The following ADGRB1 variants were observed in gnomAD, a reference collection of about 807,000 sequenced individuals.
ADGRB1 encodes adhesion G protein-coupled receptor B1.
ADGRB1 carries 36 observed loss-of-function variants against 175.7 expected under a neutral mutation model. That is an observed-to-expected ratio of 0.20 (90% CI 0.16 to 0.27). The LOEUF is 0.27. ADGRB1 is among the 10% of genes least tolerant of loss of function. The pLI is 1.00. For missense variants in ADGRB1, 1,731 were observed against 2,255.3 expected (o/e 0.77, Z 4.71); for synonymous variants, 1,054 against 979.4 (o/e 1.08, Z -1.42).
In ADGRB1 at chr8:142,488,383, C is replaced by T. The variant is rs533809610; in HGVS notation, c.2328C>T (p.Leu776=). Residue 776 remains leucine (L), a synonymous_variant, in exon 14 of 31, where the codon CTC becomes CTT. Transcript: ENST00000517894. ...TDNLVLSIHK[L]PASGATDISF... is the part of the protein sequence containing the mutation. ...TCCCAGTTCTCAGCATCCATAAGCT[C>T]CCAGCCAGCGGAGCCACTGACATCA... 26 of 1,613,114 alleles carry T rather than the reference C, an allele frequency of 1.6e-5. No individual in the cohort carries two copies. The Admixed American group carries it at 2.0e-4, about 12-fold the overall frequency.
intron 22 of ADGRB1, among the ~76,000 whole-genome samples, chr8:142,523,452 G>A (rs1447156261): frequency 6.6e-6 from 1 of 151,926 alleles, no homozygotes; most frequent in Non-Finnish European, 1.5e-5. Context: ...GACAGGATGT[G>A]GCACCCCCTT....
intron 24 of ADGRB1, among the ~76,000 whole-genome samples, chr8:142,531,740 G>A (rs919360569): frequency 2.0e-5 from 3 of 152,160 alleles, no homozygotes; most frequent in African/African-American, 7.2e-5. Context: ...CTGAGGCTGG[G>A]GCCAGACAGA....
chr8:142,478,177 C>T lies in ADGRB1; in HGVS notation c.1388-10C>T, dbSNP rs1462791761. On this transcript the variant is annotated splice_polypyrimidine_tract_variant and intron_variant, in intron 6 of 30. Transcript: ENST00000517894. ...GTTCACGCCCACTTTGTGTCTCCTT[C>T]CTCCCCCGGGCCGGGCAGTGGATGG... 3.8e-6 allele frequency: 6 copies of T among 1,596,560 alleles called. No individual in the cohort carries two copies. Among genetic ancestry groups the T allele is most frequent in the African/African-American group, 1.3e-5 (1 of 74,626 alleles).
At chr8:142,488,939 G>T (rs566982484) in intron 14 of ADGRB1, 96 bp from the exon 15 acceptor site, 222 of 1,413,884 alleles carry the variant, frequency 1.6e-4, no homozygotes, top group Non-Finnish European at 2.0e-4. Context: ...AAGATGGGCG[G>T]CAGATGCCAG....
chr8:142,478,455 G>GC lies in ADGRB1; in HGVS notation c.1561+99dup, dbSNP rs937004342. ...CCACAGCGGGTGGGGGTAACCATGG[G>GC]CCCCGGCATGTGACTGAGGAGGGAG... On this transcript the variant is annotated intron_variant, in intron 7 of 30. Coordinates refer to ENST00000517894, the MANE Select transcript of ADGRB1 (RefSeq NM_001702.3). 5 of 1,360,382 alleles carry GC rather than the reference G, an allele frequency of 3.7e-6. No individual in the cohort carries two copies. The African/African-American group carries it at 5.8e-5, about 16-fold the overall frequency. 84.3% of individuals were successfully genotyped at this position (1,360,382 alleles called of 1,614,324 possible).
intron 18 of ADGRB1, among the ~76,000 whole-genome samples, chr8:142,517,261 A>C (rs1452878387): frequency 6.6e-6 from 1 of 152,060 alleles, no homozygotes; most frequent in Non-Finnish European, 1.5e-5. Flanking sequence ...GTCAGGGAGG[A>C]GTGGTGGCCC....
chr8:142,479,556 CTGTCACCCACGTGG>C, intron 8 of ADGRB1, 69 bp downstream of exon 8: 1 of 1,512,030 alleles, frequency 6.6e-7, no homozygotes, highest in Non-Finnish European at 8.8e-7. Flanking sequence ...TTGGGCTCAG[CTGTCACCCACGTGG>C]TGTGTTGGGG....
At chr8:142,456,588 A>G (rs1839697304) in intron 1 of ADGRB1, among the ~76,000 whole-genome samples, 1 of 152,180 alleles carries the variant, frequency 6.6e-6, no homozygotes, top group Non-Finnish European at 1.5e-5. Context: ...ACACGCACAC[A>G]TATGTGCAGC....
chr8:142,522,730 G>T lies in ADGRB1; in HGVS notation c.3245+20G>T, dbSNP rs773885337. 6 of 1,486,200 alleles carry T rather than the reference G, an allele frequency of 4.0e-6. No homozygotes were observed. The highest frequency in any genetic ancestry group is 5.4e-6 in the Non-Finnish European group (6 of 1,120,752). 92.1% of individuals were successfully genotyped at this position (1,486,200 alleles called of 1,614,324 possible). A position where few individuals can be genotyped will look rare whatever the true frequency, so the allele number is the denominator to read the frequency against. ...GAACTAGTGAGTCGGGGCATTGGGG[G>T]TGTGGTGGATGGCCACATGGCCCCC... On this transcript the variant is annotated intron_variant, in intron 22 of 30. Transcript: ENST00000517894.
chr8:142,482,338 C>G (rs1393886069), intron 11 of ADGRB1, among the ~76,000 whole-genome samples: 2 of 150,842 alleles, frequency 1.3e-5, no homozygotes, highest in African/African-American at 2.4e-5. Context: ...AGCCCTGATC[C>G]TGGTCACACA....
intron 2 of ADGRB1, among the ~76,000 whole-genome samples, chr8:142,472,288 C>A (rs1442437823): frequency 6.6e-6 from 1 of 152,314 alleles, no homozygotes; most frequent in East Asian, 1.9e-4. Flanking sequence ...CACCAAGCAC[C>A]CTCTCCCCTG....
chr8:142,483,087 C>T (rs1025978831), intron 11 of ADGRB1, among the ~76,000 whole-genome samples: 45 of 149,886 alleles, frequency 3.0e-4, no homozygotes, highest in African/African-American at 1.1e-3. Context: ...ACTGGTCACC[C>T]ACTGAACCCT....
In ADGRB1 at chr8:142,464,748, G is replaced by A. The variant is rs1360843521; in HGVS notation, c.550G>A (p.Ala184Thr). 1 of 1,534,520 alleles carries A rather than the reference G, an allele frequency of 6.5e-7. No homozygotes were observed. The highest frequency in any genetic ancestry group is 8.7e-7 in the Non-Finnish European group (1 of 1,145,662). The change falls in exon 2 of 31, where the codon GCC becomes ACC. Residue 184 changes from alanine to threonine, a missense_variant. Physicochemically the swap from Ala to Thr is moderately conservative, Grantham distance 58 (BLOSUM62 0). Coordinates refer to ENST00000517894, the MANE Select transcript of ADGRB1 (RefSeq NM_001702.3). ...LVVGNRNPSR[A>T]ACQMLCRWLD... ...GGTGGGGAACCGCAACCCCAGCCGT[G>A]CCGCCTGCCAGATGCTGTGCCGCTG...
At chr8:142,485,845 G>A (rs1587318056) in intron 13 of ADGRB1, among the ~76,000 whole-genome samples, 1 of 152,184 alleles carries the variant, frequency 6.6e-6, no homozygotes, top group Admixed American at 6.5e-5. Flanking sequence ...AAGATGAGAG[G>A]TTCTGGAGGC....
rs62511455 is a variant in ADGRB1 at position 142,474,222 on chromosome 8, C to T, written c.785-1252C>T. 0.012 allele frequency among the ~76,000 whole-genome samples: 1,766 copies of T among 152,168 alleles called. 10 individuals carry two copies. Among genetic ancestry groups the T allele is most frequent in the Non-Finnish European group, 0.018 (1,217 of 67,974 alleles). On this transcript the variant is annotated intron_variant, in intron 2 of 30. Transcript: ENST00000517894. This position sits in a 1 kb window ranked among gnomAD's most constrained non-coding sequence, Gnocchi z 5.8. ...AGGCCCTGGGGCCCTTCTGGTGGGT[C>T]GGGGTGGCCTGTGCTTGGCCTGATT...
chr8:142,522,615 A>G (rs1298651646), intron 21 of ADGRB1, 26 bp from the exon 22 acceptor site: 1 of 1,540,186 alleles, frequency 6.5e-7, no homozygotes, highest in Admixed American at 2.1e-5. Context: ...GGTGGGGCCA[A>G]CACCCTCTCT....
At chr8:142,471,598 C>T (rs1840665784) in intron 2 of ADGRB1, among the ~76,000 whole-genome samples, 2 of 152,184 alleles carry the variant, frequency 1.3e-5, no homozygotes, top group African/African-American at 2.4e-5. Context: ...ACAGTACCTG[C>T]TAGCAGGGCC....
In ADGRB1 at chr8:142,510,912, C is replaced by CG; in HGVS notation, c.2676-19dup. 3.7e-6 allele frequency: 4 copies of CG among 1,078,138 alleles called. No individual in the cohort carries two copies. Among genetic ancestry groups the CG allele is most frequent in the Non-Finnish European group, 3.4e-6 (3 of 882,946 alleles). The allele number at this position is 1,078,138 out of a possible 1,614,324, so 66.8% of individuals were successfully genotyped here. A position where few individuals can be genotyped will look rare whatever the true frequency, so the allele number is the denominator to read the frequency against. On this transcript the variant is annotated intron_variant, in intron 17 of 30. Coordinates refer to ENST00000517894, the MANE Select transcript of ADGRB1 (RefSeq NM_001702.3). This position sits in a 1 kb window ranked among gnomAD's most constrained non-coding sequence, Gnocchi z 6.3. ...GCTGACGCTCCGCCTGTCTCCCTCC[C>CG]GTGTCCCGCCCGCCCCCAGACCCTC...
At chr8:142,476,805 C>T (rs918917029) in intron 4 of ADGRB1, 110 bp downstream of exon 4, 2 of 1,157,476 alleles carry the variant, frequency 1.7e-6, no homozygotes, top group Admixed American at 2.4e-5. Context: ...CATAACTAGA[C>T]TAAACCCTTA....
Sources: gnomAD v4.1 joint callset for allele counts (sites outside exome capture counted in the v4.1 genomes callset) on GRCh38, gnomAD v4.1.1 for gene constraint, Gnocchi (gnomAD v3.1) non-coding constraint, MANE v1.5 for transcripts, NCBI Gene and HGNC (gene_info 2026-07-23, HGNC 2026-07-21) for gene names.